Variants in ATP6V1A observed in about 807,000 individuals in gnomAD.
ATP6V1A encodes V-type proton ATPase catalytic subunit A.
A neutral mutation model predicts 70.1 loss-of-function variants in ATP6V1A; 18 were observed. The ratio of observed to expected loss-of-function variants is 0.26; its 90% CI spans 0.18 to 0.38. ATP6V1A has a LOEUF of 0.38. Ranked by LOEUF, ATP6V1A falls within the 10% of genes least tolerant of loss-of-function variation. ATP6V1A has a pLI of 1.00. For missense variants in ATP6V1A, 424 were observed against 772.4 expected (o/e 0.55, Z 5.35); for synonymous variants, 232 against 253.8 (o/e 0.91, Z 0.82).
intron 2 of ATP6V1A, chr3:113,780,707 A>C (rs1254378153): frequency 7.8e-7 from 1 of 1,277,452 alleles, no homozygotes; most frequent in African/African-American, 1.5e-5. Flanking sequence ...TTCTACTTTT[A>C]AAAGTTTTTT....
At chr3:113,801,574 A>G (rs1275968597) in intron 12 of ATP6V1A, among the ~76,000 whole-genome samples, 1 of 152,186 alleles carries the variant, frequency 6.6e-6, no homozygotes, top group African/African-American at 2.4e-5. Flanking sequence ...CCCCAAAGAA[A>G]TTCTCAAGCA....
At chr3:113,752,250 A>C (rs1005868040) in intron 1 of ATP6V1A, among the ~76,000 whole-genome samples, 1 of 152,030 alleles carries the variant, frequency 6.6e-6, no homozygotes, top group South Asian at 2.1e-4. Context: ...AGACTTTATA[A>C]GTTTTTAGTT....
chr3:113,755,210 T>G (rs973762903), intron 1 of ATP6V1A, among the ~76,000 whole-genome samples: 3 of 152,154 alleles, frequency 2.0e-5, no homozygotes, highest in Non-Finnish European at 4.4e-5. Context: ...GCATTGCATT[T>G]TTCTCAACTT....
intron 5 of ATP6V1A, among the ~76,000 whole-genome samples, chr3:113,785,251 C>T (rs1484444404): frequency 6.6e-6 from 1 of 152,008 alleles, no homozygotes; most frequent in Admixed American, 6.6e-5. Flanking sequence ...ACCAGCCTGA[C>T]CAACATGGTG....
At chr3:113,778,202 T>C (rs1347440432) in intron 1 of ATP6V1A, among the ~76,000 whole-genome samples, 1 of 152,124 alleles carries the variant, frequency 6.6e-6, no homozygotes, top group East Asian at 1.9e-4. Context: ...GAGACCAGCC[T>C]GGCCAACGTG....
chr3:113,770,061 A>G (rs376386147), intron 1 of ATP6V1A, among the ~76,000 whole-genome samples: 1 of 117,682 alleles, frequency 8.5e-6, no homozygotes, highest in Non-Finnish European at 1.9e-5. Context: ...TTATTTATTT[A>G]TTTATTTTTG....
rs562998446 is a variant in ATP6V1A at position 113,799,604 on chromosome 3, A to T, written c.1494+1158A>T. Among the ~76,000 whole-genome samples, 3 of 152,310 alleles carry T rather than the reference A, an allele frequency of 2.0e-5. No homozygotes were observed. The East Asian group carries it at 5.8e-4, about 29-fold the overall frequency. On this transcript the variant is annotated intron_variant, in intron 12 of 14. Transcript: ENST00000273398. ...TAAGAAGAGAAAAAAGAAAAGTTGC[A>T]AAGAAAGAGATAACAGTGTCATTGT...
At chr3:113,749,100 G>GGTT (rs1559746071) in intron 1 of ATP6V1A, among the ~76,000 whole-genome samples, 1 of 152,130 alleles carries the variant, frequency 6.6e-6, no homozygotes, top group African/African-American at 2.4e-5. Context: ...GTATGAAAGT[G>GGTT]GTTGGATGAG....
In ATP6V1A at chr3:113,765,951, A is replaced by T. The variant is rs139625717; in HGVS notation, c.-13-12790A>T. Among the ~76,000 whole-genome samples, 5 of 152,262 alleles carry T rather than the reference A, an allele frequency of 3.3e-5. No individual in the cohort carries two copies. In the East Asian group the frequency reaches 9.7e-4, roughly 29 times the overall value. ...CAAAAAAAAAGGAGATGGGTAATTT[A>T]GGAACAATCAATTCTTGTTTTACTA... is the stretch of plus-strand genomic sequence containing the variant. On this transcript the variant is annotated intron_variant, in intron 1 of 14. Transcript: ENST00000273398.
In ATP6V1A at chr3:113,784,438, G is replaced by A. The variant is rs1709015806; in HGVS notation, c.426G>A (p.Arg142=). 5 of 1,604,134 alleles carry A rather than the reference G, an allele frequency of 3.1e-6. No individual in the cohort carries two copies. Among genetic ancestry groups the A allele is most frequent in the Non-Finnish European group, 3.4e-6 (4 of 1,171,938 alleles). The change falls in exon 4 of 15, where the codon CGG becomes CGA. Residue 142 remains arginine (R), a splice_region_variant and synonymous_variant. Coordinates refer to ENST00000273398, the MANE Select transcript of ATP6V1A (RefSeq NM_001690.4). ...KWDFTPCKNL[R]VGSHITGGDI... The stretch of plus-strand genomic sequence containing the variant: ...ACTTTACACCTTGCAAAAACCTACG[G>A]GTATGTCTGTGTAACCAAGAATTTC...
At chr3:113,797,312 G>T (rs934328934) in intron 11 of ATP6V1A, among the ~76,000 whole-genome samples, 1 of 151,358 alleles carries the variant, frequency 6.6e-6, no homozygotes, top group African/African-American at 2.4e-5. Context: ...GAGTGCAGTG[G>T]CGTGATCTCA....
intron 1 of ATP6V1A, among the ~76,000 whole-genome samples, chr3:113,772,645 G>A (rs1200953533): frequency 1.3e-5 from 2 of 151,200 alleles, no homozygotes; most frequent in African/African-American, 2.4e-5. Context: ...GGAGAATGGC[G>A]TGAACCTGGG....
intron 3 of ATP6V1A, among the ~76,000 whole-genome samples, chr3:113,783,986 G>A (rs1308204390): frequency 1.3e-5 from 2 of 152,094 alleles, no homozygotes; most frequent in African/African-American, 2.4e-5. Context: ...TTGTTAGGAC[G>A]TATATACATA....
In ATP6V1A at chr3:113,811,709, CG is replaced by C. The variant is rs1319287359; in HGVS notation, c.*2283del. ...AGCGAACCTATGCTCAGATATTCAT[CG>C]TAAGTCTCCCTTCACCTGTTACAGA... is the stretch of plus-strand genomic sequence containing the variant. On this transcript the variant is annotated 3_prime_UTR_variant, in exon 15 of 15. Coordinates refer to ENST00000273398, the MANE Select transcript of ATP6V1A (RefSeq NM_001690.4). 1.3e-5 allele frequency: 2 copies of C among 152,574 alleles called. No homozygotes were observed. Among genetic ancestry groups the C allele is most frequent in the Non-Finnish European group, 2.9e-5 (2 of 68,024 alleles). 9.5% of individuals were successfully genotyped at this position (152,574 alleles called of 1,614,324 possible). A position where few individuals can be genotyped will look rare whatever the true frequency, so the allele number is the denominator to read the frequency against.
chr3:113,781,192 C>A lies in ATP6V1A; in HGVS notation c.211+14C>A. The A allele has an allele frequency of 6.3e-7, 1 of 1,595,174 alleles. No individual in the cohort carries two copies. Among genetic ancestry groups the A allele is most frequent in the Non-Finnish European group, 8.5e-7 (1 of 1,172,012 alleles). On this transcript the variant is annotated intron_variant, in intron 3 of 14. Transcript: ENST00000273398. ...ATGAAGAAACTTGTATCCTTTTTGG[C>A]TCAATTTCCTGCCACTTTCTATATT...
In ATP6V1A at chr3:113,808,287, C is replaced by CTTTT. The variant is rs748064694; in HGVS notation, c.1762-1030_1762-1027dup. ...ACCTGGAACATTTTAAAGTCTGTCTCTTTTTTTTTTTTTTTTTTTTTCTGA... is the reference window on the plus strand; with the variant it reads ...ACCTGGAACATTTTAAAGTCTGTCTCTTTTTTTTTTTTTTTTTTTTTTTTTCTGA... On this transcript the variant is annotated intron_variant, in intron 14 of 14. Transcript: ENST00000273398. Among the ~76,000 whole-genome samples the CTTTT allele has an allele frequency of 7.1e-4, 64 of 89,770 alleles. 1 individual carries two copies. The highest frequency in any genetic ancestry group is 1.7e-3 in the South Asian group (4 of 2,296). 58.9% of individuals were successfully genotyped at this position (89,770 alleles called of 152,430 possible).
At chr3:113,755,201 C>T (rs1708633474) in intron 1 of ATP6V1A, among the ~76,000 whole-genome samples, 1 of 152,082 alleles carries the variant, frequency 6.6e-6, no homozygotes. Context: ...TGTCTTTTTG[C>T]ATTGCATTTT....
intron 1 of ATP6V1A, among the ~76,000 whole-genome samples, chr3:113,757,641 G>C (rs1022193491): frequency 6.6e-6 from 1 of 152,186 alleles, no homozygotes; most frequent in Admixed American, 6.5e-5. Context: ...ACACTCCTGA[G>C]CTATTAAGTG....
rs1709013687 is a variant in ATP6V1A, at chr3:113,784,260, G to A, written c.248G>A (p.Gly83Asp). The A allele has an allele frequency of 1.2e-6, 2 of 1,614,080 alleles. No individual in the cohort carries two copies. Among genetic ancestry groups the A allele is most frequent in the Non-Finnish European group, 1.7e-6 (2 of 1,179,990 alleles). ...VSVGDPVLRT[G>D]KPLSVELGPG... ...GTTGGAGATCCTGTACTTCGCACTGGTAAACCCCTCTCTGTAGAGCTTGGT... is the reference window on the plus strand; with the variant it reads ...GTTGGAGATCCTGTACTTCGCACTGATAAACCCCTCTCTGTAGAGCTTGGT... Residue 83 changes from glycine (G) to aspartate (D), a missense_variant, in exon 4 of 15, where the codon GGT becomes GAT. Around this residue, in one of 9 missense-constraint regions of ATP6V1A, gnomAD observed 139 missense variants for 163.5 expected, o/e 0.85. Transcript: ENST00000273398.
Sources: allele counts gnomAD v4.1 joint callset (sites outside exome capture counted in the v4.1 genomes callset), GRCh38; gene constraint gnomAD v4.1.1; regional missense constraint gnomAD v4.1.1; transcripts MANE v1.5; gene names NCBI Gene and HGNC (gene_info 2026-07-23, HGNC 2026-07-21).